Variants in PARP15 observed in about 807,000 individuals in gnomAD.
The protein encoded by PARP15 is protein mono-ADP-ribosyltransferase PARP15.
Under a neutral mutation model 62.1 loss-of-function variants are expected in PARP15, and 50 were observed. The observed-to-expected ratio is 0.81, with a 90% CI of 0.64 to 1.02. PARP15 has a LOEUF of 1.02. Ranked by LOEUF, PARP15 falls within the 50% of genes least tolerant of loss-of-function variation. The pLI is 0.00. For synonymous variants in PARP15, 309 were observed against 293.1 expected, an observed-to-expected ratio of 1.05 and a Z score of -0.55; for missense variants, 820 against 826.5, an observed-to-expected ratio of 0.99 and a Z score of 0.10.
chr3:122,610,771 T>C (rs1576515629), intron 3 of PARP15, 41 bp downstream of exon 3: 2 of 1,451,244 alleles, frequency 1.4e-6, no homozygotes, highest in Non-Finnish European at 1.8e-6. Flanking sequence ...TGGGTGGCTT[T>C]GGGAATCTCC....
intron 1 of PARP15, among the ~76,000 whole-genome samples, chr3:122,603,281 G>A (rs1414724385): frequency 1.3e-5 from 2 of 152,052 alleles, no homozygotes; most frequent in Non-Finnish European, 2.9e-5. Context: ...GTCACTGTGA[G>A]GTAACATGAC....
In PARP15 at chr3:122,613,033, C is replaced by T; in HGVS notation, c.544-8C>T. 1 of 1,547,202 alleles carries T rather than the reference C, an allele frequency of 6.5e-7. No individual in the cohort carries two copies. Among genetic ancestry groups the T allele is most frequent in the South Asian group, 1.2e-5 (1 of 83,938 alleles). Reference sequence around the variant, plus strand: ...CTAACTTATGTAAATGTACTTTGCACATTTCAGATCATGGCAAATATAATC... The same window carrying T: ...CTAACTTATGTAAATGTACTTTGCATATTTCAGATCATGGCAAATATAATC... On this transcript the variant is annotated splice_region_variant and splice_polypyrimidine_tract_variant and intron_variant, in intron 3 of 11. Transcript: ENST00000464300.
At chr3:122,591,417 A>G (rs1488227182) in intron 1 of PARP15, among the ~76,000 whole-genome samples, 1 of 152,206 alleles carries the variant, frequency 6.6e-6, no homozygotes, top group Non-Finnish European at 1.5e-5. Context: ...CCAGAAGCCA[A>G]TTGTGACTTC....
At chr3:122,587,110 G>C (rs1485086078) in intron 1 of PARP15, among the ~76,000 whole-genome samples, 2 of 152,146 alleles carry the variant, frequency 1.3e-5, no homozygotes, top group African/African-American at 4.8e-5. Flanking sequence ...GTTTGTGTGT[G>C]TGTGTGTCTT....
At chr3:122,625,977 G>C (rs955520392) in intron 8 of PARP15, among the ~76,000 whole-genome samples, 1 of 152,138 alleles carries the variant, frequency 6.6e-6, no homozygotes, top group Admixed American at 6.5e-5. Flanking sequence ...CACACACTAC[G>C]GGGACCTCTG....
intron 10 of PARP15, among the ~76,000 whole-genome samples, chr3:122,633,266 G>A (rs991440345): frequency 6.6e-6 from 1 of 152,194 alleles, no homozygotes; most frequent in Admixed American, 6.5e-5. Context: ...GCACACAGTA[G>A]GACACAATAT....
In PARP15 at chr3:122,610,657, G is replaced by T; in HGVS notation, c.470G>T (p.Cys157Phe). ...GGTAACATATTCATGACAAGCGGCTGCAATCTGGACTGCAAAGCTGTGCTC... is the reference window on the plus strand; with the variant it reads ...GGTAACATATTCATGACAAGCGGCTTCAATCTGGACTGCAAAGCTGTGCTC... ...KVGNIFMTSG[C>F]NLDCKAVLHA... is the part of the protein sequence containing the mutation. The change falls in exon 3 of 12, where the codon TGC (cysteine) becomes TTC (phenylalanine). Residue 157 changes from cysteine (C) to phenylalanine (F), a missense_variant. By Grantham distance (205) the Cys-to-Phe change is radical. Coordinates refer to ENST00000464300, the MANE Select transcript of PARP15 (RefSeq NM_001113523.3). The T allele has an allele frequency of 1.3e-6, 2 of 1,551,146 alleles. No homozygotes were observed. Among genetic ancestry groups the T allele is most frequent in the Non-Finnish European group, 1.7e-6 (2 of 1,146,654 alleles).
chr3:122,619,254 A>G (rs1436822781), intron 6 of PARP15, among the ~76,000 whole-genome samples: 1 of 152,196 alleles, frequency 6.6e-6, no homozygotes, highest in African/African-American at 2.4e-5. Flanking sequence ...AATTTGTCAA[A>G]ATGCAAAGTC....
Position 122,610,599 on chromosome 3 carries a change from G to A in PARP15, c.412G>A (p.Asp138Asn). The change falls in exon 3 of 12, where the codon GAT becomes AAT. Residue 138 changes from aspartate to asparagine, a missense_variant. Physicochemically the swap from Asp to Asn is conservative, Grantham distance 23. Transcript: ENST00000464300. The stretch of plus-strand genomic sequence containing the variant: ...TGGTCCCATGCTCCAGAAAGAGTTA[G>A]ATGACAGAAGGCGGGAAACAGAGGA... The part of the protein sequence containing the change: ...KAGPMLQKEL[D>N]DRRRETEEKV... The A allele has an allele frequency of 6.4e-7, 1 of 1,551,802 alleles. No homozygotes were observed. Among genetic ancestry groups the A allele is most frequent in the African/African-American group, 1.4e-5 (1 of 73,186 alleles).
chr3:122,583,111 T>C (rs1933092704), intron 1 of PARP15, among the ~76,000 whole-genome samples: 2 of 132,576 alleles, frequency 1.5e-5, no homozygotes, highest in South Asian at 4.8e-4. Context: ...CTATCATCTG[T>C]ATCTTTTTTT....
Position 122,621,433 on chromosome 3 carries a change from C to CT in PARP15, c.1064-4dup, listed in dbSNP as rs1389062411. On this transcript the variant is annotated splice_polypyrimidine_tract_variant and intron_variant, in intron 7 of 11. Transcript: ENST00000464300. ...TGGGCTGCATGTTTGTTTTTCTTTC[C>CT]TTTTTTTCAGCTGCACAGCCTCACA... 4 of 1,588,136 alleles carry CT rather than the reference C, an allele frequency of 2.5e-6. No individual in the cohort carries two copies. The highest frequency in any genetic ancestry group is 1.2e-5 in the South Asian group (1 of 86,528).
chr3:122,625,367 C>T (rs1936648910), intron 8 of PARP15, among the ~76,000 whole-genome samples: 1 of 152,176 alleles, frequency 6.6e-6, no homozygotes, highest in South Asian at 2.1e-4. Context: ...GATTTTCCTA[C>T]CTTAGCTTCC....
At chr3:122,606,751 G>A (rs762628931) in intron 2 of PARP15, among the ~76,000 whole-genome samples, 1 of 152,202 alleles carries the variant, frequency 6.6e-6, no homozygotes, top group Non-Finnish European at 1.5e-5. Flanking sequence ...GTTTTTGAAA[G>A]CATTCCAAGT....
intron 8 of PARP15, among the ~76,000 whole-genome samples, chr3:122,626,358 C>T (rs1936730176): frequency 6.6e-6 from 1 of 152,102 alleles, no homozygotes; most frequent in Non-Finnish European, 1.5e-5. Context: ...GCCACAACGC[C>T]TGGCTAATTT....
At chr3:122,626,150 A>T (rs1936709202) in intron 8 of PARP15, among the ~76,000 whole-genome samples, 1 of 150,014 alleles carries the variant, frequency 6.7e-6, no homozygotes, top group South Asian at 2.1e-4. Context: ...AGGAAGGAGG[A>T]TGCATTCTGG....
At position 122,632,083 on chromosome 3, in the gene PARP15, C is replaced by A; in HGVS notation, c.1439-3C>A. On this transcript the variant is annotated splice_polypyrimidine_tract_variant and splice_region_variant and intron_variant, in intron 9 of 11. Transcript: ENST00000464300. ...GTGTTTTGACCAAATGCTGACTTTC[C>A]AGGTAATCTTCCTGAACACTGGACT... 1 of 1,614,014 alleles carries A rather than the reference C, an allele frequency of 6.2e-7. No individual in the cohort carries two copies. The highest frequency in any genetic ancestry group is 8.5e-7 in the Non-Finnish European group (1 of 1,179,962).
intron 1 of PARP15, among the ~76,000 whole-genome samples, chr3:122,601,181 G>A (rs1934773517): frequency 2.0e-5 from 3 of 151,024 alleles, no homozygotes; most frequent in Non-Finnish European, 2.9e-5. Context: ...TTGCCACCAC[G>A]CCCAGCTAAT....
intron 10 of PARP15, among the ~76,000 whole-genome samples, chr3:122,633,172 G>T (rs1471551825): frequency 6.6e-6 from 1 of 152,118 alleles, no homozygotes; most frequent in Non-Finnish European, 1.5e-5. Context: ...CACATACCTG[G>T]CTCCCCGACT....
At chr3:122,616,204 G>C (rs1395304438) in intron 5 of PARP15, among the ~76,000 whole-genome samples, 1 of 152,074 alleles carries the variant, frequency 6.6e-6, no homozygotes, top group Non-Finnish European at 1.5e-5. Flanking sequence ...CTGTATAAAC[G>C]TTGAAAGGTA....
Sources: gnomAD v4.1 joint callset for allele counts (sites outside exome capture counted in the v4.1 genomes callset) on GRCh38, gnomAD v4.1.1 for gene constraint, MANE v1.5 for transcripts, NCBI Gene and HGNC (gene_info 2026-07-23, HGNC 2026-07-21) for gene names.